Variants in ESRRG observed in about 807,000 individuals in gnomAD.
ESRRG encodes the protein estrogen related receptor gamma, also known as estrogen-related receptor gamma.
ESRRG carries 13 observed loss-of-function variants against 44.0 expected under a neutral mutation model. The ratio of observed to expected loss-of-function variants is 0.30; its 90% CI spans 0.19 to 0.47. ESRRG has a LOEUF of 0.47. Among genes scored for constraint, ESRRG ranks in the 20% least tolerant of loss-of-function variants. The pLI is 1.00. For missense variants in ESRRG, 395 were observed against 580.6 expected (o/e 0.68, Z 3.29); for synonymous variants, 215 against 214.6 (o/e 1.00, Z -0.02).
chr1:216,819,219 T>TC (rs1341585832), intron 2 of ESRRG, among the ~76,000 whole-genome samples: 1 of 152,186 alleles, frequency 6.6e-6, no homozygotes, highest in Non-Finnish European at 1.5e-5. Context: ...TAAAAGTGTT[T>TC]CTTTTTCTCC....
rs769617630 is a variant in ESRRG at position 216,600,868 on chromosome 1, C to T, written c.590-32770G>A. Among the ~76,000 whole-genome samples the T allele has an allele frequency of 6.6e-5, 10 of 152,222 alleles. 1 individual carries two copies. Among genetic ancestry groups the T allele is most frequent in the Non-Finnish European group, 1.3e-4 (9 of 68,032 alleles). The stretch of plus-strand genomic sequence containing the variant: ...CACAGCGGGTCACAGGACACAACCG[C>T]CGCGCTCTGGTTGGACGCAGGCTGC... On this transcript the variant is annotated intron_variant, in intron 3 of 6. Transcript: ENST00000408911.
At chr1:216,886,285 G>A (rs776961082) in intron 2 of ESRRG, among the ~76,000 whole-genome samples, 8 of 152,086 alleles carry the variant, frequency 5.3e-5, no homozygotes, top group Admixed American at 1.3e-4. Context: ...TTTTCTCTCC[G>A]TATACCTAAC....
At chr1:216,724,851 CA>C (rs1385344667), upstream of ESRRG, among the ~76,000 whole-genome samples, 1 of 151,974 alleles carries the variant, frequency 6.6e-6, no homozygotes, top group Non-Finnish European at 1.5e-5. Flanking sequence ...CTATTTATGG[CA>C]AAGAGATAAC....
At chr1:216,830,952 C>T (rs1307938861) in intron 2 of ESRRG, among the ~76,000 whole-genome samples, 1 of 152,028 alleles carries the variant, frequency 6.6e-6, no homozygotes, top group African/African-American at 2.4e-5. Flanking sequence ...GCTCTCACCT[C>T]CTACAACTGA....
chr1:216,986,703 G>A (rs373846925), intron 1 of ESRRG, among the ~76,000 whole-genome samples: 3 of 151,958 alleles, frequency 2.0e-5, no homozygotes, highest in African/African-American at 7.3e-5. Context: ...CTCCAGCCTG[G>A]GCAATAGAGA....
At chr1:217,085,097 T>C (rs942008719) in intron 1 of ESRRG, among the ~76,000 whole-genome samples, 1 of 93,722 alleles carries the variant, frequency 1.1e-5, no homozygotes, top group African/African-American at 4.0e-5. Context: ...TCACAATGGG[T>C]TGTGAATCAA....
intron 2 of ESRRG, among the ~76,000 whole-genome samples, chr1:216,773,532 G>T (rs1332993490): frequency 6.6e-6 from 1 of 152,068 alleles, no homozygotes. Context: ...TGTATAAGTG[G>T]TATTACATAG....
chr1:216,917,158 CTT>C (rs534545705), intron 2 of ESRRG, among the ~76,000 whole-genome samples: 41 of 130,538 alleles, frequency 3.1e-4, no homozygotes, highest in Admixed American at 3.1e-4. Flanking sequence ...AATAGACTTT[CTT>C]TTTTTTTTTT....
chr1:216,757,842 CA>C (rs2092546329), intron 2 of ESRRG, among the ~76,000 whole-genome samples: 1 of 152,040 alleles, frequency 6.6e-6, no homozygotes, highest in Non-Finnish European at 1.5e-5. Flanking sequence ...GAACCCAAAT[CA>C]AATCAGGCTT....
chr1:216,592,917 T>C (rs1301999025), intron 3 of ESRRG, among the ~76,000 whole-genome samples: 1 of 152,214 alleles, frequency 6.6e-6, no homozygotes, highest in Non-Finnish European at 1.5e-5. Flanking sequence ...GCATATTTAT[T>C]GTATGAGATA....
intron 2 of ESRRG, among the ~76,000 whole-genome samples, chr1:216,922,798 T>C (rs1175284285): frequency 6.6e-6 from 1 of 152,106 alleles, no homozygotes; most frequent in African/African-American, 2.4e-5. Flanking sequence ...GTGTTTCCTG[T>C]GGGTTTTCTG....
intron 3 of ESRRG, among the ~76,000 whole-genome samples, chr1:216,593,326 TTGG>T (rs2057974990): frequency 6.7e-6 from 1 of 148,764 alleles, no homozygotes; most frequent in Admixed American, 6.6e-5. Context: ...ATTATACTTG[TTGG>T]TGAATTCCAT....
intron 1 of ESRRG, chr1:216,707,232 G>A (rs983080950): frequency 5.7e-6 from 6 of 1,055,640 alleles, no homozygotes; most frequent in South Asian, 1.6e-5. Context: ...ATCTTTAAAA[G>A]CATTTTTTTT....
chr1:216,998,016 A>G (rs573220975), intron 1 of ESRRG, among the ~76,000 whole-genome samples: 2 of 152,324 alleles, frequency 1.3e-5, no homozygotes, highest in Admixed American at 6.5e-5. Context: ...TATTTGCATG[A>G]AAACAGGATC....
At chr1:216,519,018 C>G (rs1330054559) in intron 6 of ESRRG, 134 bp downstream of exon 6, 1 of 692,672 alleles carries the variant, frequency 1.4e-6, no homozygotes, top group East Asian at 2.7e-5. Flanking sequence ...CACTAGAAAG[C>G]TATACTGATT....
At chr1:216,880,285 C>T (rs186764797) in intron 2 of ESRRG, among the ~76,000 whole-genome samples, 152 of 111,530 alleles carry the variant, frequency 1.4e-3, no homozygotes, top group African/African-American at 5.0e-3. Flanking sequence ...CCAGCCTGAG[C>T]GACAACAAGC....
At chr1:216,852,833 G>C (rs1039828272) in intron 2 of ESRRG, among the ~76,000 whole-genome samples, 2 of 148,702 alleles carry the variant, frequency 1.3e-5, no homozygotes, top group East Asian at 3.9e-4. Flanking sequence ...TCCCACCAGG[G>C]CTCTTTCCAT....
At chr1:217,109,109 T>A (rs2092632480) in intron 1 of ESRRG, among the ~76,000 whole-genome samples, 1 of 152,210 alleles carries the variant, frequency 6.6e-6, no homozygotes, top group African/African-American at 2.4e-5. Context: ...TTTACCCATC[T>A]GAGGGATTTT....
At chr1:216,758,048 G>C (rs948651272) in intron 2 of ESRRG, among the ~76,000 whole-genome samples, 4 of 152,042 alleles carry the variant, frequency 2.6e-5, no homozygotes, top group East Asian at 3.9e-4. Flanking sequence ...ATGAAATTAT[G>C]ATGACTTGAT....
Sources: gnomAD v4.1 joint callset for allele counts (sites outside exome capture counted in the v4.1 genomes callset) on GRCh38, gnomAD v4.1.1 for gene constraint, MANE v1.5 for transcripts, NCBI Gene and HGNC (gene_info 2026-07-23, HGNC 2026-07-21) for gene names.